Variants in XPO5 observed in about 807,000 individuals in gnomAD.
XPO5 encodes exportin-5.
A neutral mutation model predicts 160.6 loss-of-function variants in XPO5; 46 were observed. The observed-to-expected ratio is 0.29, with a 90% CI of 0.23 to 0.37. The LOEUF (loss-of-function observed/expected upper bound fraction) is 0.37, where lower values mean the gene tolerates loss of function less well. Among genes scored for constraint, XPO5 ranks in the 10% least tolerant of loss-of-function variants. The pLI is 1.00. For synonymous variants in XPO5, 537 were observed against 519.3 expected (o/e 1.03, Z -0.46); for missense variants, 1,090 against 1,463.9 (o/e 0.74, Z 4.17).
chr6:43,565,677 A>G lies in XPO5; in HGVS notation c.894T>C (p.Tyr298=). 1 of 1,609,404 alleles carries G rather than the reference A, an allele frequency of 6.2e-7. No individual in the cohort carries two copies. Among genetic ancestry groups the G allele is most frequent in the African/African-American group, 1.3e-5 (1 of 74,974 alleles). ...MVLFGDVAMH[Y]ILSAAQTADG... is the part of the protein sequence containing the mutation. ...ATACTCACTGTGCGGCGGAGAGTAT[A>G]TAATGCATGGCAACATCTCCAAATA... The change falls in exon 8 of 32, where the codon TAT becomes TAC. Residue 298 remains tyrosine (Y), a synonymous_variant. Transcript: ENST00000265351.
chr6:43,561,363 C>T, intron 9 of XPO5: 1 of 189,928 alleles, frequency 5.3e-6, no homozygotes, highest in Non-Finnish European at 1.1e-5. Flanking sequence ...ATTACCTAAT[C>T]CCTTCAATAG....
Position 43,547,350 on chromosome 6 carries a change from C to T in XPO5, c.2160+258G>A, listed in dbSNP as rs1795011576. On this transcript the variant is annotated intron_variant, in intron 19 of 31. Transcript: ENST00000265351. ...CAAGTTCTGACCTACTTCCTCATTACACCTTCAGTCTTCAGAGCTATTTAG... is the reference window on the plus strand; with the variant it reads ...CAAGTTCTGACCTACTTCCTCATTATACCTTCAGTCTTCAGAGCTATTTAG... 5.5e-6 allele frequency: 3 copies of T among 542,338 alleles called. 1 individual carries two copies. Among genetic ancestry groups the T allele is most frequent in the Admixed American group, 5.7e-5 (2 of 34,934 alleles). The allele number at this position is 542,338 out of a possible 1,614,324, so 33.6% of individuals were successfully genotyped here. A position where few individuals can be genotyped will look rare whatever the true frequency, so the allele number is the denominator to read the frequency against.
intron 7 of XPO5, chr6:43,566,535 G>A (rs964823896): frequency 1.4e-5 from 3 of 219,244 alleles, no homozygotes; most frequent in African/African-American, 2.3e-5. Flanking sequence ...TAGGCTTGGC[G>A]CAGTGGCTCA....
At chr6:43,528,350 A>T (rs531104870) in intron 24 of XPO5, 145 bp from the exon 25 acceptor site, 1 of 753,952 alleles carries the variant, frequency 1.3e-6, no homozygotes, top group African/African-American at 1.8e-5. Flanking sequence ...CCACACCACA[A>T]GGTTAAAAAA....
intron 7 of XPO5, 38 bp from the exon 8 acceptor site, chr6:43,565,774 A>G: frequency 6.7e-7 from 1 of 1,487,612 alleles, no homozygotes; most frequent in Non-Finnish European, 9.2e-7. Context: ...CATATAAACT[A>G]TACTTCAAAG....
At chr6:43,528,749 G>C (rs1793758662) in intron 24 of XPO5, 79 bp downstream of exon 24, 2 of 1,349,030 alleles carry the variant, frequency 1.5e-6, no homozygotes, top group Non-Finnish European at 2.1e-6. Flanking sequence ...ACTTCTAGGA[G>C]CTCCTGACTT....
chr6:43,538,188 C>T lies in XPO5; in HGVS notation c.2343-4181G>A, dbSNP rs1350849385. 2.4e-4 allele frequency among the ~76,000 whole-genome samples: 26 copies of T among 108,752 alleles called. 1 individual carries two copies. Among genetic ancestry groups the T allele is most frequent in the African/African-American group, 7.0e-4 (19 of 27,326 alleles). The allele number at this position is 108,752 out of a possible 152,430, so 71.3% of individuals were successfully genotyped here. On this transcript the variant is annotated intron_variant, in intron 20 of 31. Coordinates refer to ENST00000265351, the MANE Select transcript of XPO5 (RefSeq NM_020750.3). The stretch of plus-strand genomic sequence containing the variant: ...TTTTTGAAACAGAGATTTGCTCTGT[C>T]GCTCAGGCTGGAGTACAATGGCGTG...
At chr6:43,548,187 C>A (rs1168581145) in intron 18 of XPO5, 74 bp downstream of exon 18, 6 of 1,430,550 alleles carry the variant, frequency 4.2e-6, no homozygotes, top group Admixed American at 2.2e-5. Context: ...ACCCCTACCC[C>A]ACCCTGGGCC....
At chr6:43,569,169 G>A (rs1201470860) in intron 5 of XPO5, among the ~76,000 whole-genome samples, 1 of 151,966 alleles carries the variant, frequency 6.6e-6, no homozygotes, top group African/African-American at 2.4e-5. Flanking sequence ...GCGCATGCCT[G>A]TAATCCCAGC....
chr6:43,567,142 A>T (rs773292249), intron 7 of XPO5, 27 bp downstream of exon 7: 3 of 1,595,900 alleles, frequency 1.9e-6, no homozygotes, highest in Non-Finnish European at 2.6e-6. Context: ...GAGACTGAGG[A>T]TAAGTCAGTT....
chr6:43,546,658 C>G lies in XPO5; in HGVS notation c.2255G>C (p.Gly752Ala). 2 of 1,613,810 alleles carry G rather than the reference C, an allele frequency of 1.2e-6. No individual in the cohort carries two copies. Among genetic ancestry groups the G allele is most frequent in the Non-Finnish European group, 1.7e-6 (2 of 1,179,836 alleles). ...EEAKAGGFVV[G>A]YTSSGNPIFR... is the part of the protein sequence containing the mutation. ...GATTGGATTTCCACTGGATGTATAA[C>G]CCACCACAAATCCCCCAGCTTTGGC... The change falls in exon 20 of 32, where the codon GGT (glycine) becomes GCT (alanine). Residue 752 changes from glycine (G) to alanine (A), a missense_variant. Physicochemically the swap from Gly to Ala is moderately conservative, Grantham distance 60. Transcript: ENST00000265351.
chr6:43,536,861 T>C (rs1794365071), intron 20 of XPO5, among the ~76,000 whole-genome samples: 2 of 151,308 alleles, frequency 1.3e-5, no homozygotes, highest in Admixed American at 6.6e-5. Context: ...AGGAATCTAA[T>C]TGTTTTTTCT....
At chr6:43,541,708 G>A (rs1308604760) in intron 20 of XPO5, among the ~76,000 whole-genome samples, 1 of 152,192 alleles carries the variant, frequency 6.6e-6, no homozygotes, top group Non-Finnish European at 1.5e-5. Flanking sequence ...TTAGCATAAT[G>A]TTTTGAAGGT....
chr6:43,529,378 TAAAA>T (rs35493258), intron 23 of XPO5: 814 of 120,152 alleles, frequency 6.8e-3, no homozygotes, highest in South Asian at 9.7e-3. Context: ...CCGTCTCTAC[TAAAA>T]AAAAAAAAAA....
intron 5 of XPO5, among the ~76,000 whole-genome samples, 191 bp downstream of exon 5, chr6:43,570,311 C>CAAAAAAAAAAAAAAAAAA: frequency 1.3e-5 from 1 of 77,196 alleles, no homozygotes; most frequent in Non-Finnish European, 2.6e-5. Flanking sequence ...GCCTCCGTCT[C>CAAAAAAAAAAAAAAAAAA]AAAAAAAAAA....
chr6:43,540,963 C>T (rs1410012504), intron 20 of XPO5, among the ~76,000 whole-genome samples: 1 of 151,786 alleles, frequency 6.6e-6, no homozygotes, highest in East Asian at 1.9e-4. Context: ...ATATGGATAG[C>T]ACTGGAGGTC....
rs776910300 is a variant in XPO5 at position 43,546,628 on chromosome 6, C to T, written c.2285G>A (p.Arg762His). ...CAGAATCTGCTCTGTGCAGGGGTTA[C>T]GGAAGATTGGATTTCCACTGGATGT... ...GYTSSGNPIF[R>H]NPCTEQILKL... Residue 762 changes from arginine (R) to histidine (H), a missense_variant, in exon 20 of 32, where the codon CGT becomes CAT. Physicochemically the swap from Arg to His is conservative, Grantham distance 29 (BLOSUM62 0). This residue lies in a region of XPO5 where 810 missense variants were observed against 1,139.0 expected (regional missense o/e 0.71). Coordinates refer to ENST00000265351, the MANE Select transcript of XPO5 (RefSeq NM_020750.3). The T allele has an allele frequency of 4.3e-6, 7 of 1,613,888 alleles. No homozygotes were observed. Among genetic ancestry groups the T allele is most frequent in the South Asian group, 1.1e-5 (1 of 91,060 alleles).
Position 43,539,560 on chromosome 6 carries a change from G to A in XPO5, c.2343-5553C>T, listed in dbSNP as rs778238946. On this transcript the variant is annotated intron_variant, in intron 20 of 31. Coordinates refer to ENST00000265351, the MANE Select transcript of XPO5 (RefSeq NM_020750.3). Reference sequence around the variant, plus strand: ...CTTTGGCCTTGCCTCCGCGAGCTCCGCGGCCTCAGCCCCGGCCCGGTCCAC... The same window carrying A: ...CTTTGGCCTTGCCTCCGCGAGCTCCACGGCCTCAGCCCCGGCCCGGTCCAC... 33 of 1,382,260 alleles carry A rather than the reference G, an allele frequency of 2.4e-5. 1 individual carries two copies. The Admixed American group carries it at 4.2e-4, about 17-fold the overall frequency. The allele number at this position is 1,382,260 out of a possible 1,614,324, so 85.6% of individuals were successfully genotyped here.
chr6:43,526,689 T>G lies in XPO5; in HGVS notation c.2979A>C (p.Gly993=). The G allele has an allele frequency of 6.2e-7, 1 of 1,613,904 alleles. No individual in the cohort carries two copies. Among genetic ancestry groups the G allele is most frequent in the Non-Finnish European group, 8.5e-7 (1 of 1,179,838 alleles). ...AGGTCTCACAGGCTCACTTACCGTCTCCATCTGCTGGGGGAGCACTACTGT... is the reference window on the plus strand; with the variant it reads ...AGGTCTCACAGGCTCACTTACCGTCGCCATCTGCTGGGGGAGCACTACTGT... ...ADHSSAPPAD[G]DDEEMMATEV... The change falls in exon 27 of 32, where the codon GGA becomes GGC. Residue 993 remains glycine, a synonymous_variant. Coordinates refer to ENST00000265351, the MANE Select transcript of XPO5 (RefSeq NM_020750.3).
Sources: allele counts gnomAD v4.1 joint callset (sites outside exome capture counted in the v4.1 genomes callset), GRCh38; gene constraint gnomAD v4.1.1; regional missense constraint gnomAD v4.1.1; transcripts MANE v1.5; gene names NCBI Gene and HGNC (gene_info 2026-07-23, HGNC 2026-07-21).